The following AXL variants were observed in gnomAD, a reference collection of about 807,000 sequenced individuals.
AXL encodes the protein tyrosine-protein kinase receptor UFO.
Under a neutral mutation model 104.5 loss-of-function variants are expected in AXL, and 52 were observed. The observed-to-expected ratio is 0.50, with a 90% CI of 0.40 to 0.63. AXL has a LOEUF of 0.63. Among genes scored for constraint, AXL ranks in the 20% least tolerant of loss-of-function variants. The pLI is 0.00. For missense variants in AXL, 1,024 were observed against 1,188.5 expected, an observed-to-expected ratio of 0.86 and a Z score of 2.04; for synonymous variants, 455 against 473.7, an observed-to-expected ratio of 0.96 and a Z score of 0.51.
Position 41,256,597 on chromosome 19 carries a change from A to G in AXL, c.2182A>G (p.Ser728Gly). 2 of 1,614,010 alleles carry G rather than the reference A, an allele frequency of 1.2e-6. No individual in the cohort carries two copies. Among genetic ancestry groups the G allele is most frequent in the Non-Finnish European group, 1.7e-6 (2 of 1,179,856 alleles). The change falls in exon 18 of 20, where the codon AGC (serine) becomes GGC (glycine). Residue 728 changes from serine (S) to glycine (G), a missense_variant. Coordinates refer to ENST00000301178, the MANE Select transcript of AXL (RefSeq NM_021913.5). ...IESLADRVYT[S>G]KSDVWSFGVT... Reference sequence around the variant, plus strand: ...GAGTCTAGCTGACCGTGTCTACACCAGCAAGAGCGATGTGGTAGGTGCACT... The same window carrying G: ...GAGTCTAGCTGACCGTGTCTACACCGGCAAGAGCGATGTGGTAGGTGCACT...
rs146460526 is a variant in AXL at position 41,250,836 on chromosome 19, T to C, written c.1712-1515T>C. 7.6e-4 allele frequency among the ~76,000 whole-genome samples: 115 copies of C among 152,222 alleles called. 1 individual carries two copies. Among genetic ancestry groups the C allele is most frequent in the African/African-American group, 2.5e-3 (104 of 41,524 alleles). On this transcript the variant is annotated intron_variant, in intron 14 of 19. Coordinates refer to ENST00000301178, the MANE Select transcript of AXL (RefSeq NM_021913.5). Reference sequence around the variant, plus strand: ...TCACTGTAGTCTCAACCTCTGAGGCTCAAGCGATCCTCCCCACTCAGCCTC... The same window carrying C: ...TCACTGTAGTCTCAACCTCTGAGGCCCAAGCGATCCTCCCCACTCAGCCTC...
intron 6 of AXL, among the ~76,000 whole-genome samples, chr19:41,235,369 AATAGATAGATAGATAGATAGATAG>A (rs71175697): frequency 2.7e-4 from 22 of 80,676 alleles, no homozygotes; most frequent in Middle Eastern, 5.4e-3. Flanking sequence ...TAAATAAATA[AATAGATAGATAGATAGATAGATAG>A]ATAGATAGAT....
rs1253556747 is a variant in AXL, at chr19:41,260,344, C to G, written c.*440C>G. 1 of 125,670 alleles carries G rather than the reference C, an allele frequency of 8.0e-6. No individual in the cohort carries two copies. The highest frequency in any genetic ancestry group is 1.4e-5 in the Non-Finnish European group (1 of 70,264). 7.8% of individuals were successfully genotyped at this position (125,670 alleles called of 1,614,324 possible). A position where few individuals can be genotyped will look rare whatever the true frequency, so the allele number is the denominator to read the frequency against. On this transcript the variant is annotated 3_prime_UTR_variant, in exon 20 of 20. Transcript: ENST00000301178. ...TTTTTTTTTTTGCGATAGAGTCTCACTGTGTCACCCAGGCTGGAGTGCAGT... is the reference window on the plus strand; with the variant it reads ...TTTTTTTTTTTGCGATAGAGTCTCAGTGTGTCACCCAGGCTGGAGTGCAGT...
intron 12 of AXL, among the ~76,000 whole-genome samples, chr19:41,248,246 G>A (rs536734426): frequency 6.6e-6 from 1 of 152,346 alleles, no homozygotes; most frequent in East Asian, 1.9e-4. Flanking sequence ...TTAACAACTG[G>A]TACAGCAGGG....
chr19:41,230,342 C>T (rs548261617), intron 4 of AXL, among the ~76,000 whole-genome samples: 65 of 137,694 alleles, frequency 4.7e-4, no homozygotes, highest in African/African-American at 1.6e-3. Context: ...TGTGTGTATG[C>T]GCCTGTGCCT....
intron 18 of AXL, 138 bp downstream of exon 18, chr19:41,256,749 T>C: frequency 1.7e-6 from 2 of 1,202,248 alleles, no homozygotes; most frequent in Non-Finnish European, 2.3e-6. Context: ...CCACATGGGC[T>C]GGGCATGTCT....
chr19:41,257,593 A>T lies in AXL; in HGVS notation c.2297A>T (p.Asn766Ile). 6.2e-7 allele frequency: 1 copy of T among 1,614,168 alleles called. No individual in the cohort carries two copies. ...SEIYDYLRQG[N>I]RLKQPADCLD... The stretch of plus-strand genomic sequence containing the variant: ...ATTTATGACTATCTGCGCCAGGGAA[A>T]TCGCCTGAAGCAGCCTGCGGACTGT... Residue 766 changes from asparagine (N) to isoleucine (I), a missense_variant, in exon 19 of 20, where the codon AAT (asparagine) becomes ATT (isoleucine). Coordinates refer to ENST00000301178, the MANE Select transcript of AXL (RefSeq NM_021913.5).
chr19:41,234,401 G>T (rs556265357), intron 6 of AXL, among the ~76,000 whole-genome samples: 1 of 151,956 alleles, frequency 6.6e-6, no homozygotes, highest in African/African-American at 2.4e-5. Context: ...CAGGTGGATC[G>T]CTTGAGCCCA....
chr19:41,228,059 C>A (rs573929908), intron 4 of AXL, among the ~76,000 whole-genome samples: 3 of 152,076 alleles, frequency 2.0e-5, no homozygotes, highest in Non-Finnish European at 2.9e-5. Context: ...GTAACTGAAA[C>A]CTCAAAAAGT....
intron 19 of AXL, 114 bp downstream of exon 19, chr19:41,257,743 G>A: frequency 7.2e-7 from 1 of 1,384,438 alleles, no homozygotes; most frequent in Non-Finnish European, 1.0e-6. Flanking sequence ...CCCTGAGAAT[G>A]CTGAGTGACC....
At chr19:41,220,955 C>T (rs2033780121) in intron 2 of AXL, 97 bp downstream of exon 2, 13 of 1,425,340 alleles carry the variant, frequency 9.1e-6, no homozygotes, top group East Asian at 2.4e-5. Context: ...ACTTGTCAGC[C>T]GTGCGGCTTT....
rs574502643 is a variant in AXL, at chr19:41,249,788, C to T, written c.1711+968C>T. On this transcript the variant is annotated intron_variant, in intron 14 of 19. Coordinates refer to ENST00000301178, the MANE Select transcript of AXL (RefSeq NM_021913.5). ...AAAAAAATTAAAACACACACACGCACACATGGGCGACACAACCACCACCAA... is the reference window on the plus strand; with the variant it reads ...AAAAAAATTAAAACACACACACGCATACATGGGCGACACAACCACCACCAA... Among the ~76,000 whole-genome samples, 27 of 152,004 alleles carry T rather than the reference C, an allele frequency of 1.8e-4. No homozygotes were observed. In the East Asian group the frequency reaches 3.1e-3, roughly 17 times the overall value.
chr19:41,239,553 C>T (rs191238361), intron 9 of AXL, 141 bp from the exon 10 acceptor site: 3 of 1,220,310 alleles, frequency 2.5e-6, no homozygotes, highest in Non-Finnish European at 2.4e-6. Flanking sequence ...CCCTCACTCC[C>T]TTACCCGTGC....
At chr19:41,242,315 CTTTTTTTTTTTTTTTTTTTT>C (rs574315254) in intron 10 of AXL, among the ~76,000 whole-genome samples, 1 of 83,864 alleles carries the variant, frequency 1.2e-5, no homozygotes, top group African/African-American at 6.8e-5. Flanking sequence ...CTGGCACTCT[CTTTTTTTTTTTTTTTTTTTT>C]TTTTTTGAGA....
At chr19:41,235,621 A>G (rs911152836) in intron 6 of AXL, among the ~76,000 whole-genome samples, 5 of 152,098 alleles carry the variant, frequency 3.3e-5, no homozygotes, top group African/African-American at 1.2e-4. Context: ...CACAGACAAG[A>G]GGTATTGTTA....
chr19:41,244,097 G>C lies in AXL; in HGVS notation c.1537+390G>C, dbSNP rs528384919. ...TGTGCCCCTGTACTCCCTGCTACTC[G>C]GGAGGCTGAGGTAGGAGGATCACCT... On this transcript the variant is annotated intron_variant, in intron 12 of 19. Coordinates refer to ENST00000301178, the MANE Select transcript of AXL (RefSeq NM_021913.5). 2.7e-4 allele frequency among the ~76,000 whole-genome samples: 41 copies of C among 152,050 alleles called. 1 individual carries two copies. The highest frequency in any genetic ancestry group is 5.2e-4 in the Non-Finnish European group (35 of 67,950).
intron 6 of AXL, among the ~76,000 whole-genome samples, chr19:41,233,988 G>A (rs2034038173): frequency 6.6e-6 from 1 of 152,024 alleles, no homozygotes; most frequent in South Asian, 2.1e-4. Context: ...AGCAGGCATG[G>A]GGAGACCAAC....
chr19:41,219,463 G>C lies in AXL; in HGVS notation c.71G>C (p.Cys24Ser), dbSNP rs909154631. 5.6e-6 allele frequency: 9 copies of C among 1,605,678 alleles called. No individual in the cohort carries two copies. Among genetic ancestry groups the C allele is most frequent in the Non-Finnish European group, 6.8e-6 (8 of 1,176,398 alleles). Reference sequence around the variant, plus strand: ...TGCTTGGCGCTGTGCGGCTGGGCGTGCATGGCCCCCAGGGGTGAGTGATGG... The same window carrying C: ...TGCTTGGCGCTGTGCGGCTGGGCGTCCATGGCCCCCAGGGGTGAGTGATGG... ...AWCLALCGWA[C>S]MAPRGTQAEE... Residue 24 changes from cysteine to serine, a missense_variant, in exon 1 of 20, where the codon TGC (cysteine) becomes TCC (serine). Physicochemically the swap from Cys to Ser is moderately radical, Grantham distance 112. Coordinates refer to ENST00000301178, the MANE Select transcript of AXL (RefSeq NM_021913.5).
intron 1 of AXL, chr19:41,220,407 G>T (rs778258233): frequency 7.7e-6 from 4 of 516,372 alleles, no homozygotes; most frequent in Non-Finnish European, 1.4e-5. Context: ...GCCAGATCCC[G>T]AGCCTCCTTC....
Sources: allele counts gnomAD v4.1 joint callset (sites outside exome capture counted in the v4.1 genomes callset), GRCh38; gene constraint gnomAD v4.1.1; transcripts MANE v1.5; gene names NCBI Gene and HGNC (gene_info 2026-07-23, HGNC 2026-07-21).